Variants in DCD observed in about 807,000 individuals in gnomAD.
DCD encodes the protein diffusible survival/evasion peptide.
Under a neutral mutation model 14.5 loss-of-function variants are expected in DCD, and 17 were observed. The observed-to-expected ratio is 1.18, with a 90% CI of 0.81 to 1.76. The LOEUF (loss-of-function observed/expected upper bound fraction) is 1.76. DCD is among the 40% of genes most tolerant of loss of function. The pLI, the probability that DCD is intolerant of heterozygous loss-of-function variation, is 0.00. For missense variants in DCD, 139 were observed against 133.4 expected, an observed-to-expected ratio of 1.04 and a Z score of -0.21; for synonymous variants, 64 against 54.0, an observed-to-expected ratio of 1.19 and a Z score of -0.82.
At chr12:54,647,182 C>A in intron 1 of DCD, 23 bp from the exon 2 acceptor site, 1 of 1,557,894 alleles carries the variant, frequency 6.4e-7, no homozygotes, top group South Asian at 1.2e-5. Flanking sequence ...GAACAGTGAC[C>A]ATGTCAAGTA....
chr12:54,644,999 C>A, intron 4 of DCD, 174 bp downstream of exon 4: 1 of 1,518,530 alleles, frequency 6.6e-7, no homozygotes. Flanking sequence ...AGTTAGACCC[C>A]AGGAAGTATC....
At position 54,647,102 on chromosome 12, in the gene DCD, A is replaced by G; in HGVS notation, c.97+19T>C. ...CCCTCCCACCCAGGACTGGGGCAGG[A>G]GGAAGAGAAAGGACTCACGGTTCCC... On this transcript the variant is annotated intron_variant, in intron 2 of 4. Transcript: ENST00000293371. 4 of 1,554,518 alleles carry G rather than the reference A, an allele frequency of 2.6e-6. No individual in the cohort carries two copies. The highest frequency in any genetic ancestry group is 3.5e-6 in the Non-Finnish European group (4 of 1,148,264).
At chr12:54,646,673 T>C (rs1965409943) in intron 2 of DCD, among the ~76,000 whole-genome samples, 1 of 151,858 alleles carries the variant, frequency 6.6e-6, no homozygotes, top group Non-Finnish European at 1.5e-5. Flanking sequence ...AGCAGTGGAG[T>C]CTAGGGAAAT....
Position 54,645,668 on chromosome 12 carries a change from C to A in DCD, c.137G>T (p.Gly46Val), listed in dbSNP as rs1160605457. ...EASAAQKENAGEDPGLARQAP... is the reference protein window; with the variant it reads ...EASAAQKENAVEDPGLARQAP... ...CTGTCTGGCTAACCCTGGGTCTTCA[C>A]CTGCATTTTCCTTTTGAGCTGCTGA... The change falls in exon 3 of 5, where the codon GGT (glycine) becomes GTT (valine). Residue 46 changes from glycine (G) to valine (V), a missense_variant. Gly to Val is a moderately radical substitution (Grantham distance 109, BLOSUM62 -3). Coordinates refer to ENST00000293371, the MANE Select transcript of DCD (RefSeq NM_053283.4). 15 of 1,614,032 alleles carry A rather than the reference C, an allele frequency of 9.3e-6. No homozygotes were observed. Among genetic ancestry groups the A allele is most frequent in the African/African-American group, 4.0e-5 (3 of 74,922 alleles).
At chr12:54,647,909 T>C (rs2121291078) in intron 1 of DCD, among the ~76,000 whole-genome samples, 1 of 151,638 alleles carries the variant, frequency 6.6e-6, no homozygotes. Context: ...GTGGGTGAAA[T>C]AATGGGCAGG....
rs1958247545 is a variant in DCD at position 54,645,171 on chromosome 12, A to C, written c.289+2T>G. 1.9e-6 allele frequency: 3 copies of C among 1,613,642 alleles called. No homozygotes were observed. The highest frequency in any genetic ancestry group is 2.5e-6 in the Non-Finnish European group (3 of 1,179,872). On this transcript the variant is annotated splice_donor_variant, in intron 4 of 4. Coordinates refer to ENST00000293371, the MANE Select transcript of DCD (RefSeq NM_053283.4). LOFTEE classifies it high-confidence loss of function. The stretch of plus-strand genomic sequence containing the variant: ...GAGGGAGGAGTGGGGACATATACTC[A>C]CCTTTACCCACGCTTTCTAGATCTT...
Position 54,644,624 on chromosome 12 carries a change from A to AT in DCD, c.*88dup, listed in dbSNP as rs11338265. ...GCTTTCAGTTTAATAGCTGTTTTAA[A>AT]TTTTTTTTTTTTTTTTTTTTTTTAG... On this transcript the variant is annotated 3_prime_UTR_variant, in exon 5 of 5. Coordinates refer to ENST00000293371, the MANE Select transcript of DCD (RefSeq NM_053283.4). 23,304 of 648,494 alleles carry AT rather than the reference A, an allele frequency of 0.036. 80 individuals carry two copies. Among genetic ancestry groups the AT allele is most frequent in the African/African-American group, 0.063 (2,948 of 46,462 alleles). 40.2% of individuals were successfully genotyped at this position (648,494 alleles called of 1,614,324 possible).
In DCD at chr12:54,645,090, G is replaced by A. The variant is rs894372652; in HGVS notation, c.289+83C>T. ...AGCACAAAGTGAGGGGTCTTCAATG[G>A]GGGGGCTGTGGCAGTTTCAGATCTC... On this transcript the variant is annotated intron_variant, in intron 4 of 4. Coordinates refer to ENST00000293371, the MANE Select transcript of DCD (RefSeq NM_053283.4). 5 of 1,517,092 alleles carry A rather than the reference G, an allele frequency of 3.3e-6. No individual in the cohort carries two copies. The Admixed American group carries it at 8.4e-5, about 26-fold the overall frequency. The allele number at this position is 1,517,092 out of a possible 1,614,324, so 94.0% of individuals were successfully genotyped here.
chr12:54,648,093 G>C (rs1409393129), intron 1 of DCD, among the ~76,000 whole-genome samples, 153 bp downstream of exon 1: 2 of 152,188 alleles, frequency 1.3e-5, no homozygotes, highest in East Asian at 3.8e-4. Flanking sequence ...TGACCATAGA[G>C]TCCCTGTGTG....
chr12:54,645,487 C>G, intron 3 of DCD, 119 bp downstream of exon 3: 2 of 994,654 alleles, frequency 2.0e-6, no homozygotes, highest in Non-Finnish European at 3.1e-6. Context: ...CAAGCCCTCC[C>G]TAGGAATATG....
At chr12:54,645,837 A>G in intron 2 of DCD, 130 bp from the exon 3 acceptor site, 3 of 702,696 alleles carry the variant, frequency 4.3e-6, no homozygotes, top group Admixed American at 2.4e-5. Context: ...ATTCCTCTAG[A>G]GCTTGACTTT....
chr12:54,645,669 C>T lies in DCD; in HGVS notation c.136G>A (p.Gly46Ser), dbSNP rs771873825. 6.2e-7 allele frequency: 1 copy of T among 1,614,162 alleles called. No homozygotes were observed. The highest frequency in any genetic ancestry group is 1.7e-5 in the Admixed American group (1 of 60,012). The part of the protein sequence containing the change: ...EASAAQKENA[G>S]EDPGLARQAP... ...TGTCTGGCTAACCCTGGGTCTTCAC[C>T]TGCATTTTCCTTTTGAGCTGCTGAT... is the stretch of plus-strand genomic sequence containing the variant. Residue 46 changes from glycine (G) to serine (S), a missense_variant, in exon 3 of 5, where the codon GGT becomes AGT. Physicochemically the swap from Gly to Ser is moderately conservative, Grantham distance 56. Coordinates refer to ENST00000293371, the MANE Select transcript of DCD (RefSeq NM_053283.4).
rs1324484181 is a variant in DCD, at chr12:54,645,673, A to G, written c.132T>C (p.Asn44=). Residue 44 remains asparagine, a synonymous_variant, in exon 3 of 5, where the codon AAT becomes AAC. Coordinates refer to ENST00000293371, the MANE Select transcript of DCD (RefSeq NM_053283.4). The stretch of plus-strand genomic sequence containing the variant: ...TGGCTAACCCTGGGTCTTCACCTGC[A>G]TTTTCCTTTTGAGCTGCTGATGCTT... ...CHEASAAQKE[N]AGEDPGLARQ... 6.2e-7 allele frequency: 1 copy of G among 1,614,106 alleles called. No individual in the cohort carries two copies. Among genetic ancestry groups the G allele is most frequent in the Non-Finnish European group, 8.5e-7 (1 of 1,179,988 alleles).
chr12:54,645,102 C>T (rs771577424), intron 4 of DCD, 71 bp downstream of exon 4: 45 of 1,543,332 alleles, frequency 2.9e-5, no homozygotes, highest in Non-Finnish European at 3.8e-5. Context: ...GGGGCTGTGG[C>T]AGTTTCAGAT....
In DCD at chr12:54,644,624, A is replaced by ATTTTTTTTTTTTTTTT. The variant is rs11338265; in HGVS notation, c.*73_*88dup. On this transcript the variant is annotated 3_prime_UTR_variant, in exon 5 of 5. Transcript: ENST00000293371. ...GCTTTCAGTTTAATAGCTGTTTTAAATTTTTTTTTTTTTTTTTTTTTTTAG... is the reference window on the plus strand; with the variant it reads ...GCTTTCAGTTTAATAGCTGTTTTAAATTTTTTTTTTTTTTTTTTTTTTTTTTTTTTTTTTTTTTTAG... 3.1e-6 allele frequency: 2 copies of ATTTTTTTTTTTTTTTT among 651,674 alleles called. No individual in the cohort carries two copies. Among genetic ancestry groups the ATTTTTTTTTTTTTTTT allele is most frequent in the African/African-American group, 2.1e-5 (1 of 46,532 alleles). 40.4% of individuals were successfully genotyped at this position (651,674 alleles called of 1,614,324 possible).
At chr12:54,645,092 G>A (rs1958246663) in intron 4 of DCD, 81 bp downstream of exon 4, 1 of 1,523,384 alleles carries the variant, frequency 6.6e-7, no homozygotes, top group Non-Finnish European at 9.1e-7. Context: ...CTTCAATGGG[G>A]GGGCTGTGGC....
At chr12:54,645,764 C>T (rs543652556) in intron 2 of DCD, 57 bp from the exon 3 acceptor site, 175 of 1,496,708 alleles carry the variant, frequency 1.2e-4, no homozygotes, top group East Asian at 3.2e-4. Flanking sequence ...CCACCCTGGT[C>T]GGGGAGCAGG....
rs760759546 is a variant in DCD at position 54,648,244 on chromosome 12, A to G, written c.58+2T>C. On this transcript the variant is annotated splice_donor_variant, in intron 1 of 4. Coordinates refer to ENST00000293371, the MANE Select transcript of DCD (RefSeq NM_053283.4). LOFTEE classifies it high-confidence loss of function. ...TGGGTGTCGGGGAAGAGCCATACTC[A>G]CAGGCACAGACCAGGGCTCCTGCCA... 1.1e-5 allele frequency: 17 copies of G among 1,613,684 alleles called. No individual in the cohort carries two copies. The highest frequency in any genetic ancestry group is 1.4e-5 in the Non-Finnish European group (16 of 1,179,950).
At position 54,647,030 on chromosome 12, in the gene DCD, C is replaced by G. The variant is rs529593661; in HGVS notation, c.97+91G>C. ...CCTCCCAACTCTCCTTCCCCGGACC[C>G]CCCTTCTGCTTCTCTGACTTCCTCC... On this transcript the variant is annotated intron_variant, in intron 2 of 4. Transcript: ENST00000293371. 21 of 1,368,304 alleles carry G rather than the reference C, an allele frequency of 1.5e-5. No individual in the cohort carries two copies. The South Asian group carries it at 2.6e-4, about 17-fold the overall frequency. The allele number at this position is 1,368,304 out of a possible 1,614,324, so 84.8% of individuals were successfully genotyped here.
Sources: gnomAD v4.1 joint callset for allele counts (sites outside exome capture counted in the v4.1 genomes callset) on GRCh38, gnomAD v4.1.1 for gene constraint, MANE v1.5 for transcripts, NCBI Gene and HGNC (gene_info 2026-07-23, HGNC 2026-07-21) for gene names.